EYS: variants seen among roughly 807,000 people sequenced by gnomAD.
The protein encoded by EYS is EGF-like photoreceptor maintenance factor, also known as protein eyes shut homolog.
EYS carries 250 observed loss-of-function variants against 282.1 expected under a neutral mutation model. The observed-to-expected ratio is 0.89, with a 90% CI of 0.80 to 0.98. The LOEUF (loss-of-function observed/expected upper bound fraction) is 0.98, where lower values mean the gene tolerates loss of function less well. EYS is among the 50% of genes least tolerant of loss of function. The probability of loss-of-function intolerance (pLI) is 0.00; values close to 1 mark genes in which losing one functional copy is unlikely to be tolerated. For missense variants in EYS, 4,016 were observed against 3,709.0 expected (o/e 1.08, Z -2.15); for synonymous variants, 1,355 against 1,282.9 (o/e 1.06, Z -1.20).
intron 22 of EYS, among the ~76,000 whole-genome samples, chr6:64,766,912 T>C (rs1453352161): frequency 6.6e-6 from 1 of 151,418 alleles, no homozygotes; most frequent in Non-Finnish European, 1.5e-5. Context: ...TGAAAAAGCA[T>C]AGGTTCAGTA....
At chr6:64,926,795 A>G (rs2150084769) in intron 15 of EYS, among the ~76,000 whole-genome samples, 1 of 152,316 alleles carries the variant, frequency 6.6e-6, no homozygotes, top group East Asian at 1.9e-4. Flanking sequence ...GGTGAAAGAA[A>G]GGTGTTTAAA....
At chr6:64,917,916 G>A (rs1369710782) in intron 15 of EYS, among the ~76,000 whole-genome samples, 2 of 152,022 alleles carry the variant, frequency 1.3e-5, no homozygotes. Flanking sequence ...AAGAAATAAT[G>A]ACCGTTAATA....
At chr6:65,198,541 G>A (rs1034779843) in intron 12 of EYS, among the ~76,000 whole-genome samples, 4 of 151,940 alleles carry the variant, frequency 2.6e-5, no homozygotes, top group African/African-American at 7.2e-5. Context: ...CACGAATAAT[G>A]CATTTTCCTA....
chr6:65,260,560 A>G (rs138889471), intron 12 of EYS, among the ~76,000 whole-genome samples: 23 of 152,200 alleles, frequency 1.5e-4, no homozygotes, highest in Non-Finnish European at 2.9e-4. Flanking sequence ...TGTTTGAATT[A>G]TATTACATTA....
At chr6:65,372,980 T>C (rs938158787) in intron 8 of EYS, among the ~76,000 whole-genome samples, 1 of 152,102 alleles carries the variant, frequency 6.6e-6, no homozygotes, top group Non-Finnish European at 1.5e-5. Flanking sequence ...AAAAGAAATA[T>C]ATTTTTGTTC....
chr6:64,625,997 A>G, intron 23 of EYS, 124 bp downstream of exon 23: 1 of 559,384 alleles, frequency 1.8e-6, no homozygotes, highest in Non-Finnish European at 3.1e-6. Flanking sequence ...CTTGATTAGT[A>G]GTCAACAATA....
At chr6:63,997,872 G>T (rs1458617308) in intron 34 of EYS, among the ~76,000 whole-genome samples, 1 of 152,080 alleles carries the variant, frequency 6.6e-6, no homozygotes, top group Non-Finnish European at 1.5e-5. Context: ...TATAAAAAAT[G>T]GGCAACTATA....
intron 29 of EYS, among the ~76,000 whole-genome samples, chr6:64,363,282 T>A (rs1390674424): frequency 6.6e-6 from 1 of 151,910 alleles, no homozygotes; most frequent in Non-Finnish European, 1.5e-5. Flanking sequence ...AACAATTGCA[T>A]AGGATTTGCC....
intron 29 of EYS, among the ~76,000 whole-genome samples, chr6:64,329,618 C>A (rs58769813): frequency 0.032 from 4,930 of 152,160 alleles, 185 homozygotes; most frequent in African/African-American, 0.088. Flanking sequence ...TGCTGTGGGG[C>A]ACTTACCCAG....
intron 22 of EYS, among the ~76,000 whole-genome samples, chr6:64,676,331 T>TATATATAG (rs1769676861): frequency 6.9e-6 from 1 of 144,924 alleles, no homozygotes. Flanking sequence ...TATATATATC[T>TATATATAG]ATATATCTAT....
intron 22 of EYS, among the ~76,000 whole-genome samples, chr6:64,681,265 C>T (rs902653752): frequency 1.3e-5 from 2 of 152,106 alleles, no homozygotes; most frequent in South Asian, 2.1e-4. Flanking sequence ...GAGAATTGCA[C>T]CTAGTGAGTA....
intron 5 of EYS, among the ~76,000 whole-genome samples, chr6:65,483,675 A>G (rs1455827217): frequency 6.6e-6 from 1 of 152,172 alleles, no homozygotes; most frequent in Admixed American, 6.5e-5. Flanking sequence ...ATATGTATCA[A>G]ATAAAGAGAT....
At chr6:63,947,079 T>C (rs1321066758) in intron 35 of EYS, among the ~76,000 whole-genome samples, 1 of 152,026 alleles carries the variant, frequency 6.6e-6, no homozygotes, top group African/African-American at 2.4e-5. Context: ...TTTTGGAAAT[T>C]CTTATTTTGT....
intron 22 of EYS, among the ~76,000 whole-genome samples, chr6:64,758,892 A>C (rs1773066050): frequency 6.6e-6 from 1 of 152,222 alleles, no homozygotes; most frequent in Non-Finnish European, 1.5e-5. Flanking sequence ...TAATCCCAGC[A>C]CTTTGGAAGG....
At chr6:64,148,576 C>G (rs1774598508) in intron 31 of EYS, among the ~76,000 whole-genome samples, 1 of 152,068 alleles carries the variant, frequency 6.6e-6, no homozygotes, top group African/African-American at 2.4e-5. Context: ...ATCAAAATAA[C>G]AGTTGAGTGT....
At chr6:63,749,799 C>T (rs925519437) in intron 41 of EYS, among the ~76,000 whole-genome samples, 18 of 152,186 alleles carry the variant, frequency 1.2e-4, no homozygotes, top group Admixed American at 2.0e-4. Context: ...TAGTAGCCCC[C>T]TCCAGGGGTC....
chr6:64,544,194 A>G (rs568353714), intron 26 of EYS, among the ~76,000 whole-genome samples: 30 of 152,296 alleles, frequency 2.0e-4, no homozygotes, highest in African/African-American at 7.0e-4. Context: ...ACTCGATTTG[A>G]GAATTTTTCT....
chr6:65,231,939 A>G (rs1360183910), intron 12 of EYS, among the ~76,000 whole-genome samples: 1 of 151,966 alleles, frequency 6.6e-6, no homozygotes, highest in African/African-American at 2.4e-5. Flanking sequence ...TCACATAGCA[A>G]TTAGTGAATC....
chr6:64,386,921 C>T (rs1392914030), intron 29 of EYS, among the ~76,000 whole-genome samples: 2 of 152,116 alleles, frequency 1.3e-5, no homozygotes, highest in Non-Finnish European at 2.9e-5. Context: ...AGCATGATGA[C>T]AATTCCTACT....
Sources: allele counts gnomAD v4.1 joint callset (sites outside exome capture counted in the v4.1 genomes callset), GRCh38; gene constraint gnomAD v4.1.1; transcripts MANE v1.5; gene names NCBI Gene and HGNC (gene_info 2026-07-23, HGNC 2026-07-21).